RAD21L1: variants seen among roughly 807,000 people sequenced by gnomAD.
RAD21L1 encodes the protein double-strand-break repair protein rad21-like protein 1.
A neutral mutation model predicts 69.0 loss-of-function variants in RAD21L1; 47 were observed. That is an observed-to-expected ratio of 0.68 (90% confidence interval 0.54 to 0.87). The LOEUF (loss-of-function observed/expected upper bound fraction) is 0.87. Ranked by LOEUF, RAD21L1 falls within the 40% of genes least tolerant of loss-of-function variation. The pLI is 0.00. For synonymous variants in RAD21L1, 177 were observed against 205.8 expected (o/e 0.86, Z 1.20); for missense variants, 583 against 647.6 (o/e 0.90, Z 1.08).
In RAD21L1 at chr20:1,229,824, A is replaced by G. The variant is rs1182497846; in HGVS notation, c.145-56A>G. On this transcript the variant is annotated intron_variant, in intron 2 of 13. Coordinates refer to ENST00000683101, the MANE Select transcript of RAD21L1 (RefSeq NM_001384355.1). ...CTTACGATGTCAGTAACTTTCAAAG[A>G]ATAGGATTTATGAACCTAATCTTTA... 4 of 1,333,246 alleles carry G rather than the reference A, an allele frequency of 3.0e-6. No homozygotes were observed. In the East Asian group the frequency reaches 7.6e-5, roughly 25 times the overall value. 82.6% of individuals were successfully genotyped at this position (1,333,246 alleles called of 1,614,324 possible).
At position 1,230,007 on chromosome 20, in the gene RAD21L1, C is replaced by G. The variant is rs1356005598; in HGVS notation, c.272C>G (p.Pro91Arg). ...AFLKMKMTFCPGLVDLPKENF... is the reference protein window; with the variant it reads ...AFLKMKMTFCRGLVDLPKENF... ...CTTAAAATGAAGATGACATTTTGCC[C>G]AGGTATACATGTAATATTGATTTGT... The change falls in exon 3 of 14, where the codon CCA becomes CGA. Residue 91 changes from proline to arginine, a missense_variant and splice_region_variant. Pro to Arg is a moderately radical substitution (Grantham distance 103). Transcript: ENST00000683101. 6.5e-7 allele frequency: 1 copy of G among 1,546,268 alleles called. No homozygotes were observed. Among genetic ancestry groups the G allele is most frequent in the African/African-American group, 1.4e-5 (1 of 73,042 alleles).
intron 4 of RAD21L1, among the ~76,000 whole-genome samples, chr20:1,232,025 GAAAT>G (rs1206777670): frequency 3.3e-5 from 5 of 152,138 alleles, no homozygotes; most frequent in African/African-American, 4.8e-5. Flanking sequence ...AACAGAAAAT[GAAAT>G]AAATAAACAG....
intron 4 of RAD21L1, among the ~76,000 whole-genome samples, chr20:1,232,156 A>G (rs1189764979): frequency 6.6e-6 from 1 of 152,214 alleles, no homozygotes; most frequent in Admixed American, 6.5e-5. Context: ...GCCCTAAAGC[A>G]GGACACACTG....
At chr20:1,242,363 G>C (rs1376256136) in intron 8 of RAD21L1, among the ~76,000 whole-genome samples, 1 of 152,124 alleles carries the variant, frequency 6.6e-6, no homozygotes, top group Non-Finnish European at 1.5e-5. Context: ...CTCCTGAGTA[G>C]CTGGGTCTAC....
intron 3 of RAD21L1, 149 bp from the exon 4 acceptor site, chr20:1,231,377 T>G (rs1002381838): frequency 3.3e-6 from 2 of 599,498 alleles, no homozygotes; most frequent in Admixed American, 7.1e-5. Context: ...GTCTGCTTTA[T>G]AGAGAATGGA....
At chr20:1,239,541 G>A (rs1218700058) in intron 7 of RAD21L1, 134 bp downstream of exon 7, 1 of 564,514 alleles carries the variant, frequency 1.8e-6, no homozygotes, top group Non-Finnish European at 3.1e-6. Flanking sequence ...TAGTCTGACT[G>A]TAGACAATAT....
rs968007157 is a variant in RAD21L1, at chr20:1,254,867, T to C, written c.*410T>C. Among the ~76,000 whole-genome samples, 2 of 152,228 alleles carry C rather than the reference T, an allele frequency of 1.3e-5. No individual in the cohort carries two copies. The highest frequency in any genetic ancestry group is 2.9e-5 in the Non-Finnish European group (2 of 68,040). On this transcript the variant is annotated 3_prime_UTR_variant, in exon 14 of 14. Coordinates refer to ENST00000683101, the MANE Select transcript of RAD21L1 (RefSeq NM_001384355.1). ...TGATTTGAATATATAGCATTTATCA[T>C]TTCCCTGATTTGAATGTTGCACTTA...
chr20:1,226,577 G>T (rs186906589), intron 1 of RAD21L1, among the ~76,000 whole-genome samples: 2 of 151,924 alleles, frequency 1.3e-5, no homozygotes, highest in Non-Finnish European at 2.9e-5. Context: ...CCTCTCCCAG[G>T]GTCCCCGCCC....
In RAD21L1 at chr20:1,246,870, T is replaced by G. The variant is rs2087727927; in HGVS notation, c.1401+565T>G. On this transcript the variant is annotated intron_variant, in intron 12 of 13. Transcript: ENST00000683101. The surrounding 1 kb of genome is among the most constrained non-coding windows in gnomAD (Gnocchi z 4.6). ...TATTAACTGTCTTATTTCTCTGGTA[T>G]TATCCCAGCATACTGAAAACATTTT... Among the ~76,000 whole-genome samples, 1 of 152,172 alleles carries G rather than the reference T, an allele frequency of 6.6e-6. No individual in the cohort carries two copies. The highest frequency in any genetic ancestry group is 2.4e-5 in the African/African-American group (1 of 41,446).
intron 5 of RAD21L1, among the ~76,000 whole-genome samples, chr20:1,237,507 G>A (rs1383181706): frequency 1.6e-5 from 2 of 123,500 alleles, no homozygotes; most frequent in Non-Finnish European, 3.3e-5. Context: ...AGCTGACTGG[G>A]TTTGTCTTTT....
intron 11 of RAD21L1, 46 bp downstream of exon 11, chr20:1,244,216 A>T (rs763775734): frequency 1.3e-5 from 18 of 1,335,206 alleles, no homozygotes; most frequent in Non-Finnish European, 1.5e-5. Flanking sequence ...TTTTCTACAG[A>T]TACAGTAAAG....
At chr20:1,251,274 C>T (rs2087825443) in intron 13 of RAD21L1, among the ~76,000 whole-genome samples, 2 of 151,594 alleles carry the variant, frequency 1.3e-5, no homozygotes, top group Admixed American at 1.3e-4. Flanking sequence ...GTTGGTGATC[C>T]TTTGTAAGTA....
chr20:1,246,140 A>G lies in RAD21L1; in HGVS notation c.1309-73A>G, dbSNP rs2087712134. On this transcript the variant is annotated intron_variant, in intron 11 of 13. Transcript: ENST00000683101. The surrounding 1 kb of genome is among the most constrained non-coding windows in gnomAD (Gnocchi z 4.6). ...AAGTGAGCATTCATGTGATTAAAGC[A>G]TTTAATAAAATTAGATTGTTCCTGT... 2 of 681,418 alleles carry G rather than the reference A, an allele frequency of 2.9e-6. No individual in the cohort carries two copies. Among genetic ancestry groups the G allele is most frequent in the South Asian group, 4.9e-5 (2 of 41,184 alleles). 42.2% of individuals were successfully genotyped at this position (681,418 alleles called of 1,614,324 possible).
At chr20:1,235,368 TTCTCAGCCTG>T in intron 5 of RAD21L1, among the ~76,000 whole-genome samples, 1 of 152,306 alleles carries the variant, frequency 6.6e-6, no homozygotes, top group East Asian at 1.9e-4. Flanking sequence ...GTAGCTGTGT[TTCTCAGCCTG>T]TGGTGAAGGA....
chr20:1,229,440 G>A (rs117829683), intron 2 of RAD21L1, among the ~76,000 whole-genome samples: 7,583 of 152,196 alleles, frequency 0.05, 242 homozygotes, highest in South Asian at 0.095. Context: ...GCTTGAACCC[G>A]GGAGGCGGAG....
At chr20:1,247,241 A>C (rs1161037943) in intron 12 of RAD21L1, among the ~76,000 whole-genome samples, 1 of 152,202 alleles carries the variant, frequency 6.6e-6, no homozygotes, top group Non-Finnish European at 1.5e-5. Flanking sequence ...GGCTTTTTAC[A>C]CAATAGATTC....
Position 1,254,530 on chromosome 20 carries a change from C to T in RAD21L1, c.*73C>T, listed in dbSNP as rs944491411. The T allele has an allele frequency of 6.7e-6, 7 of 1,052,038 alleles. No homozygotes were observed. In the African/African-American group the frequency reaches 8.1e-5, roughly 12 times the overall value. 65.2% of individuals were successfully genotyped at this position (1,052,038 alleles called of 1,614,324 possible). On this transcript the variant is annotated 3_prime_UTR_variant, in exon 14 of 14. Transcript: ENST00000683101. ...AGATTGTTCAATTTAATGCAGAAGCCATCTGGAAGCAGCTGAAGGTCTGAT... is the reference window on the plus strand; with the variant it reads ...AGATTGTTCAATTTAATGCAGAAGCTATCTGGAAGCAGCTGAAGGTCTGAT...
chr20:1,239,479 A>G lies in RAD21L1; in HGVS notation c.742+72A>G, dbSNP rs1402825551. 1.3e-5 allele frequency: 10 copies of G among 772,604 alleles called. No individual in the cohort carries two copies. The Admixed American group carries it at 2.2e-4, about 17-fold the overall frequency. The allele number at this position is 772,604 out of a possible 1,614,324, so 47.9% of individuals were successfully genotyped here. A position where few individuals can be genotyped will look rare whatever the true frequency, so the allele number is the denominator to read the frequency against. On this transcript the variant is annotated intron_variant, in intron 7 of 13. Transcript: ENST00000683101. ...TTAAGCCTCAGAACTTCTGAATTTA[A>G]GTAGCAATATAGTATAGTGAAAGAT...
chr20:1,248,666 GGAATGGAA>G lies in RAD21L1; in HGVS notation c.1447_1454del (p.Gly483ThrfsTer11). 1 of 1,533,690 alleles carries G rather than the reference GGAATGGAA, an allele frequency of 6.5e-7. No homozygotes were observed. The highest frequency in any genetic ancestry group is 1.4e-5 in the African/African-American group (1 of 72,440). Reference sequence around the variant, plus strand: ...GAAGAAAATATTGAGACAGAGAGATGGAATGGAAGAATACTTCAGATGTTAAATCGTTT... The same window carrying G: ...GAAGAAAATATTGAGACAGAGAGATGGAATACTTCAGATGTTAAATCGTTT... On this transcript the variant is annotated frameshift_variant, in exon 13 of 14. Coordinates refer to ENST00000683101, the MANE Select transcript of RAD21L1 (RefSeq NM_001384355.1). LOFTEE classifies it high-confidence loss of function.
Sources: gnomAD v4.1 joint callset for allele counts (sites outside exome capture counted in the v4.1 genomes callset) on GRCh38, gnomAD v4.1.1 for gene constraint, Gnocchi (gnomAD v3.1) non-coding constraint, MANE v1.5 for transcripts, NCBI Gene and HGNC (gene_info 2026-07-23, HGNC 2026-07-21) for gene names.